The following PPFIA2 variants were observed in gnomAD, a reference collection of about 807,000 sequenced individuals.
The protein encoded by PPFIA2 is PPFI scaffold protein A2, also known as liprin-alpha-2.
Under a neutral mutation model 175.5 loss-of-function variants are expected in PPFIA2, and 46 were observed. That is an observed-to-expected ratio of 0.26 (90% CI 0.21 to 0.34). The LOEUF (loss-of-function observed/expected upper bound fraction) is 0.34, where lower values mean the gene tolerates loss of function less well. Among genes scored for constraint, PPFIA2 ranks in the 10% least tolerant of loss-of-function variants. PPFIA2 has a pLI of 1.00. For missense variants in PPFIA2, 1,179 were observed against 1,506.1 expected, an observed-to-expected ratio of 0.78 and a Z score of 3.60; for synonymous variants, 568 against 511.4, an observed-to-expected ratio of 1.11 and a Z score of -1.49.
chr12:81,704,518 C>A (rs1430124349), intron 3 of PPFIA2, among the ~76,000 whole-genome samples: 1 of 151,930 alleles, frequency 6.6e-6, no homozygotes, highest in Admixed American at 6.5e-5. Context: ...TTAATGATAG[C>A]AAATGAAACT....
chr12:81,721,825 A>G (rs1389557617), intron 3 of PPFIA2, among the ~76,000 whole-genome samples: 3 of 150,736 alleles, frequency 2.0e-5, no homozygotes, highest in Non-Finnish European at 4.5e-5. Context: ...GGGATAAAAC[A>G]AGCATTCTCT....
rs147048624 is a variant in PPFIA2 at position 81,714,290 on chromosome 12, T to G, written c.250-37446A>C. ...ATGATTAAGTGCTGGCTGATATATT[T>G]TGGGGGAGAAAGAAAATTAAATCTA... On this transcript the variant is annotated intron_variant, in intron 3 of 32. Transcript: ENST00000549396. 1.1e-3 allele frequency among the ~76,000 whole-genome samples: 160 copies of G among 151,144 alleles called. 1 individual carries two copies. Among genetic ancestry groups the G allele is most frequent in the African/African-American group, 3.3e-3 (138 of 41,484 alleles).
intron 4 of PPFIA2, among the ~76,000 whole-genome samples, chr12:81,458,457 G>A (rs1056698410): frequency 6.6e-6 from 1 of 151,966 alleles, no homozygotes; most frequent in African/African-American, 2.4e-5. Context: ...TAAGCTCCAT[G>A]TGGACAGGGG....
chr12:81,634,795 C>T lies in PPFIA2; in HGVS notation c.303+41996G>A, dbSNP rs113319165. On this transcript the variant is annotated intron_variant, in intron 4 of 32. Transcript: ENST00000549396. ...TCTATATTATTTACCCACATTTTCA[C>T]CCTTGCTTGTTTTTTTCTTCTTTTC... Among the ~76,000 whole-genome samples, 131 of 152,044 alleles carry T rather than the reference C, an allele frequency of 8.6e-4. 4 individuals carry two copies. The highest frequency in any genetic ancestry group is 3.1e-3 in the African/African-American group (130 of 41,518).
At chr12:81,511,907 A>G (rs964362829) in intron 4 of PPFIA2, among the ~76,000 whole-genome samples, 1 of 151,972 alleles carries the variant, frequency 6.6e-6, no homozygotes, top group Non-Finnish European at 1.5e-5. Flanking sequence ...TAAATTGGGC[A>G]GTAGAATGTT....
At chr12:81,651,046 C>T (rs1001928205) in intron 4 of PPFIA2, among the ~76,000 whole-genome samples, 1 of 152,112 alleles carries the variant, frequency 6.6e-6, no homozygotes, top group African/African-American at 2.4e-5. Context: ...AATCTTTTCA[C>T]ATAAAATGGA....
At chr12:81,291,238 T>C (rs2044883139) in intron 24 of PPFIA2, among the ~76,000 whole-genome samples, 1 of 151,980 alleles carries the variant, frequency 6.6e-6, no homozygotes, top group African/African-American at 2.4e-5. Flanking sequence ...CAGGATCATG[T>C]ATTAGTTCAA....
intron 18 of PPFIA2, among the ~76,000 whole-genome samples, chr12:81,346,881 T>C (rs982858894): frequency 2.6e-5 from 4 of 152,046 alleles, no homozygotes; most frequent in African/African-American, 9.7e-5. Flanking sequence ...ATGCCATCAA[T>C]AAAAATGTAC....
chr12:81,660,894 A>G (rs1422076502), intron 4 of PPFIA2, among the ~76,000 whole-genome samples: 1 of 152,200 alleles, frequency 6.6e-6, no homozygotes, highest in South Asian at 2.1e-4. Context: ...GCCAATATTC[A>G]ACATTCTTAA....
At chr12:81,556,296 A>G (rs958551001) in intron 4 of PPFIA2, among the ~76,000 whole-genome samples, 1 of 151,994 alleles carries the variant, frequency 6.6e-6, no homozygotes, top group Non-Finnish European at 1.5e-5. Context: ...AGATGAATAC[A>G]TAAAAGTTTA....
At chr12:81,288,839 C>G (rs150917668) in intron 24 of PPFIA2, among the ~76,000 whole-genome samples, 2 of 151,870 alleles carry the variant, frequency 1.3e-5, no homozygotes, top group African/African-American at 4.8e-5. Context: ...ACCTCACTCT[C>G]TTTTCAATAA....
At chr12:81,458,301 C>T (rs1299791356) in intron 4 of PPFIA2, among the ~76,000 whole-genome samples, 4 of 151,454 alleles carry the variant, frequency 2.6e-5, no homozygotes, top group Admixed American at 1.3e-4. Flanking sequence ...TTGAAATTAA[C>T]AAATTTATTT....
chr12:81,583,687 T>C (rs1229744564), intron 4 of PPFIA2, among the ~76,000 whole-genome samples: 3 of 151,912 alleles, frequency 2.0e-5, no homozygotes, highest in Non-Finnish European at 4.4e-5. Context: ...TTGTACTGAA[T>C]GAGTGTGTCT....
chr12:81,686,372 T>A (rs2074421803), intron 3 of PPFIA2, among the ~76,000 whole-genome samples: 1 of 152,080 alleles, frequency 6.6e-6, no homozygotes, highest in Admixed American at 6.6e-5. Flanking sequence ...GGAAATATAA[T>A]GTGTATCAAA....
intron 4 of PPFIA2, among the ~76,000 whole-genome samples, chr12:81,648,572 T>C (rs954565083): frequency 4.6e-5 from 7 of 152,060 alleles, no homozygotes; most frequent in African/African-American, 1.7e-4. Context: ...TCTCCTTAAA[T>C]TGATTTATAT....
chr12:81,259,721 C>G, intron 32 of PPFIA2, 61 bp from the exon 33 acceptor site: 1 of 1,445,438 alleles, frequency 6.9e-7, no homozygotes, highest in Non-Finnish European at 9.4e-7. Context: ...AAATCTCATT[C>G]TACTCCTCTG....
chr12:81,515,039 T>C (rs1008326061), intron 4 of PPFIA2, among the ~76,000 whole-genome samples: 3 of 151,984 alleles, frequency 2.0e-5, no homozygotes, highest in Admixed American at 6.6e-5. Flanking sequence ...AGAGAGAAAG[T>C]ATGTGTTTCT....
chr12:81,451,480 A>G (rs2052572302), intron 5 of PPFIA2, among the ~76,000 whole-genome samples: 1 of 152,164 alleles, frequency 6.6e-6, no homozygotes, highest in Non-Finnish European at 1.5e-5. Flanking sequence ...GCTTGTGAGA[A>G]AAATTTACAA....
At chr12:81,368,667 T>C in intron 13 of PPFIA2, 58 bp downstream of exon 13, 1 of 1,519,050 alleles carries the variant, frequency 6.6e-7, no homozygotes, top group East Asian at 2.3e-5. Flanking sequence ...CAGCTGTATA[T>C]AAAACAAACA....
Sources: allele counts gnomAD v4.1 joint callset (sites outside exome capture counted in the v4.1 genomes callset), GRCh38; gene constraint gnomAD v4.1.1; transcripts MANE v1.5; gene names NCBI Gene and HGNC (gene_info 2026-07-23, HGNC 2026-07-21).